The following CHD7 variants were observed in gnomAD, a reference collection of about 807,000 sequenced individuals.
CHD7 encodes chromodomain helicase DNA binding protein 7.
CHD7 carries 24 observed loss-of-function variants against 307.3 expected under a neutral mutation model. The ratio of observed to expected loss-of-function variants is 0.08; its 90% confidence interval spans 0.06 to 0.11. CHD7 has a LOEUF of 0.11. CHD7 is among the 10% of genes least tolerant of loss of function. The pLI is 1.00. For synonymous variants in CHD7, 1,363 were observed against 1,349.9 expected (o/e 1.01, Z -0.21); for missense variants, 3,106 against 3,727.1 (o/e 0.83, Z 4.34).
intron 1 of CHD7, among the ~76,000 whole-genome samples, chr8:60,687,337 G>T (rs921527919): frequency 6.6e-6 from 1 of 152,142 alleles, no homozygotes; most frequent in Admixed American, 6.5e-5. Flanking sequence ...GAAGTATTTT[G>T]AAGTGTATGA....
chr8:60,691,087 G>A (rs1352967598), intron 1 of CHD7, among the ~76,000 whole-genome samples: 3 of 152,030 alleles, frequency 2.0e-5, no homozygotes, highest in Admixed American at 6.5e-5. Context: ...CACCACTCCT[G>A]GCTAATTTTT....
chr8:60,843,935 G>C (rs765108164), intron 21 of CHD7, among the ~76,000 whole-genome samples: 3 of 152,186 alleles, frequency 2.0e-5, no homozygotes, highest in Non-Finnish European at 4.4e-5. Flanking sequence ...ACCAGGGAGT[G>C]ACAAGAGACC....
At chr8:60,836,028 A>G (rs1480385967) in intron 15 of CHD7, 45 bp from the exon 16 acceptor site, 2 of 1,443,060 alleles carry the variant, frequency 1.4e-6, no homozygotes, top group Admixed American at 3.9e-5. Flanking sequence ...TTTTAGTAAT[A>G]AAAACCTTTT....
intron 1 of CHD7, among the ~76,000 whole-genome samples, chr8:60,731,215 T>C (rs1808437058): frequency 1.5e-4 from 1 of 6,456 alleles, no homozygotes; most frequent in South Asian, 0.013. Flanking sequence ...AGGTAAAAGC[T>C]CATAAAGAAA....
At chr8:60,711,124 A>C (rs16926429) in intron 1 of CHD7, among the ~76,000 whole-genome samples, 3,803 of 152,282 alleles carry the variant, frequency 0.025, 166 homozygotes, top group African/African-American at 0.086. Context: ...AAGTACCTCT[A>C]AGATCTTGTG....
At chr8:60,722,023 G>A (rs941436097) in intron 1 of CHD7, among the ~76,000 whole-genome samples, 35 of 152,338 alleles carry the variant, frequency 2.3e-4, no homozygotes, top group African/African-American at 8.2e-4. Flanking sequence ...ATGAAATGCT[G>A]AAGTATTCTA....
intron 2 of CHD7, among the ~76,000 whole-genome samples, chr8:60,762,387 C>T (rs375294865): frequency 6.6e-6 from 1 of 152,156 alleles, no homozygotes; most frequent in Non-Finnish European, 1.5e-5. Context: ...GATTATTGCT[C>T]CTCTGCACAC....
chr8:60,778,603 A>C (rs147744545), intron 2 of CHD7, among the ~76,000 whole-genome samples: 1 of 152,328 alleles, frequency 6.6e-6, no homozygotes, highest in East Asian at 1.9e-4. Context: ...AAAGAAAGGT[A>C]AACATACCTG....
intron 3 of CHD7, among the ~76,000 whole-genome samples, chr8:60,782,352 T>C (rs1811291848): frequency 6.6e-6 from 1 of 152,240 alleles, no homozygotes; most frequent in Admixed American, 6.5e-5. Context: ...GTGAACTTTT[T>C]GAGATTGCTG....
intron 11 of CHD7, 40 bp downstream of exon 11, chr8:60,822,185 G>C (rs1289810288): frequency 6.5e-7 from 1 of 1,537,212 alleles, no homozygotes; most frequent in South Asian, 1.3e-5. Context: ...AAATATATCT[G>C]TAGTTCCTTT....
chr8:60,858,527 T>G (rs1345783234), intron 34 of CHD7, among the ~76,000 whole-genome samples: 1 of 152,238 alleles, frequency 6.6e-6, no homozygotes, highest in Admixed American at 6.5e-5. Context: ...TCCATAAACT[T>G]TAACAAATTG....
intron 1 of CHD7, among the ~76,000 whole-genome samples, chr8:60,728,784 A>G (rs542992899): frequency 9.2e-5 from 14 of 152,362 alleles, no homozygotes; most frequent in Middle Eastern, 3.4e-3. Flanking sequence ...AAGAAATGAA[A>G]AAGAATTCTT....
Position 60,702,465 on chromosome 8 carries a change from C to T in CHD7, c.-175+23383C>T, listed in dbSNP as rs546720024. On this transcript the variant is annotated intron_variant, in intron 1 of 37. Transcript: ENST00000423902. ...TTTGGTTTTCTCTGACTGTCCTTTC[C>T]GACTTTACAGAACAACTGGAATCTA... is the stretch of plus-strand genomic sequence containing the variant. 4.9e-4 allele frequency among the ~76,000 whole-genome samples: 75 copies of T among 152,102 alleles called. 1 individual carries two copies. Among genetic ancestry groups the T allele is most frequent in the African/African-American group, 1.7e-3 (71 of 41,512 alleles).
intron 34 of CHD7, among the ~76,000 whole-genome samples, chr8:60,860,259 C>T (rs1459674474): frequency 6.6e-6 from 1 of 152,144 alleles, no homozygotes; most frequent in Non-Finnish European, 1.5e-5. Context: ...CGGGGATCTC[C>T]AAGAGAGACT....
In CHD7 at chr8:60,862,565, G is replaced by T. The variant is rs767067759; in HGVS notation, c.7989G>T (p.Ala2663=). The change falls in exon 37 of 38, where the codon GCG becomes GCT. Residue 2663 remains alanine (A), a synonymous_variant. Coordinates refer to ENST00000423902, the MANE Select transcript of CHD7 (RefSeq NM_017780.4). ...CTACCCAGATGGGTGGAGCTATGGCGCCTCCAATGAAGGATCTACCCAGGT... is the reference window on the plus strand; with the variant it reads ...CTACCCAGATGGGTGGAGCTATGGCTCCTCCAATGAAGGATCTACCCAGGT... The part of the protein sequence containing the change: ...RNGKKMGGAM[A]PPMKDLPRWL... The T allele has an allele frequency of 1.3e-6, 2 of 1,574,070 alleles. No homozygotes were observed. Among genetic ancestry groups the T allele is most frequent in the South Asian group, 1.2e-5 (1 of 85,600 alleles).
chr8:60,708,738 C>T (rs544576411), intron 1 of CHD7, among the ~76,000 whole-genome samples: 11 of 152,272 alleles, frequency 7.2e-5, no homozygotes, highest in African/African-American at 2.2e-4. Context: ...CTTTGCCTGT[C>T]GAAATTCTGC....
At chr8:60,723,571 G>A (rs1401591187) in intron 1 of CHD7, among the ~76,000 whole-genome samples, 1 of 152,164 alleles carries the variant, frequency 6.6e-6, no homozygotes, top group Non-Finnish European at 1.5e-5. Context: ...TACTCTGCTG[G>A]TTAAATGCAA....
At chr8:60,808,761 T>G (rs947573515) in intron 7 of CHD7, 1 of 153,920 alleles carries the variant, frequency 6.5e-6, no homozygotes, top group Non-Finnish European at 1.4e-5. Flanking sequence ...ATTTAGTAGA[T>G]TTGAATTCAT....
chr8:60,683,953 A>G (rs1805754304), intron 1 of CHD7, among the ~76,000 whole-genome samples: 1 of 151,776 alleles, frequency 6.6e-6, no homozygotes, highest in Non-Finnish European at 1.5e-5. Flanking sequence ...AAAAATGCAG[A>G]GATAATTATT....
Sources: gnomAD v4.1 joint callset for allele counts (sites outside exome capture counted in the v4.1 genomes callset) on GRCh38, gnomAD v4.1.1 for gene constraint, MANE v1.5 for transcripts, NCBI Gene and HGNC (gene_info 2026-07-23, HGNC 2026-07-21) for gene names.